TMEM71: variants seen among roughly 807,000 people sequenced by gnomAD.
TMEM71 encodes the protein transmembrane protein 71.
TMEM71 carries 44 observed loss-of-function variants against 38.0 expected under a neutral mutation model. The observed-to-expected ratio is 1.16, with a 90% CI of 0.91 to 1.49. TMEM71 has a LOEUF of 1.49. Ranked by LOEUF, TMEM71 falls within the 40% of genes most tolerant of loss-of-function variation. The pLI, the probability that TMEM71 is intolerant of heterozygous loss-of-function variation, is 0.00. For synonymous variants in TMEM71, 133 were observed against 122.5 expected, an observed-to-expected ratio of 1.09 and a Z score of -0.56; for missense variants, 367 against 348.6, an observed-to-expected ratio of 1.05 and a Z score of -0.42.
intron 3 of TMEM71, among the ~76,000 whole-genome samples, chr8:132,754,505 G>A (rs1466700810): frequency 2.6e-5 from 4 of 152,136 alleles, no homozygotes; most frequent in African/African-American, 9.7e-5. Flanking sequence ...TTTAGTTGTT[G>A]TTGTTATTGT....
chr8:132,741,136 G>A (rs1044921894), intron 5 of TMEM71, among the ~76,000 whole-genome samples: 4 of 152,068 alleles, frequency 2.6e-5, no homozygotes, highest in East Asian at 1.9e-4. Flanking sequence ...AGGCTGAGGC[G>A]GGTGGATCAC....
At chr8:132,734,962 A>G (rs1827665343) in intron 5 of TMEM71, among the ~76,000 whole-genome samples, 1 of 152,244 alleles carries the variant, frequency 6.6e-6, no homozygotes, top group Non-Finnish European at 1.5e-5. Flanking sequence ...CCAAAGCCAC[A>G]TACTGATGTT....
upstream of TMEM71, among the ~76,000 whole-genome samples, chr8:132,765,520 C>T (rs540277553): frequency 1.3e-5 from 2 of 152,056 alleles, no homozygotes; most frequent in Admixed American, 6.5e-5. Flanking sequence ...TAGACAGATG[C>T]GTGTTCCAGA....
At chr8:132,730,983 A>G (rs1429485441) in intron 5 of TMEM71, among the ~76,000 whole-genome samples, 1 of 152,170 alleles carries the variant, frequency 6.6e-6, no homozygotes, top group Non-Finnish European at 1.5e-5. Flanking sequence ...ACAGACTATC[A>G]TTTGCTAAAA....
chr8:132,754,770 T>C (rs1313402146), intron 3 of TMEM71, among the ~76,000 whole-genome samples: 1 of 152,230 alleles, frequency 6.6e-6, no homozygotes, highest in African/African-American at 2.4e-5. Context: ...CATACAAATA[T>C]GTTATCCCTG....
At chr8:132,737,036 G>A (rs771772565) in intron 5 of TMEM71, among the ~76,000 whole-genome samples, 10 of 152,078 alleles carry the variant, frequency 6.6e-5, no homozygotes, top group Non-Finnish European at 8.8e-5. Flanking sequence ...AATAATGAGA[G>A]TCCAAAATAG....
chr8:132,733,786 G>A (rs1044811915), intron 5 of TMEM71, among the ~76,000 whole-genome samples: 3 of 152,140 alleles, frequency 2.0e-5, no homozygotes, highest in Admixed American at 1.3e-4. Context: ...TGATGAAAAT[G>A]TGGTATATGC....
intron 5 of TMEM71, among the ~76,000 whole-genome samples, chr8:132,736,621 G>A (rs943011108): frequency 6.6e-6 from 1 of 152,030 alleles, no homozygotes; most frequent in Non-Finnish European, 1.5e-5. Context: ...CTTGAGCTCA[G>A]GAGTTTGAGA....
intron 5 of TMEM71, among the ~76,000 whole-genome samples, chr8:132,733,211 G>A (rs893497060): frequency 6.6e-6 from 1 of 152,188 alleles, no homozygotes; most frequent in Admixed American, 6.5e-5. Context: ...TAGACAAAAG[G>A]CTCCGTGAGA....
At chr8:132,716,530 A>G (rs1327471448) in intron 7 of TMEM71, among the ~76,000 whole-genome samples, 1 of 152,230 alleles carries the variant, frequency 6.6e-6, no homozygotes. Flanking sequence ...CCTGTAATAA[A>G]TTTCATAAGT....
At chr8:132,743,354 C>T (rs1828155169) in intron 5 of TMEM71, among the ~76,000 whole-genome samples, 1 of 152,130 alleles carries the variant, frequency 6.6e-6, no homozygotes, top group Non-Finnish European at 1.5e-5. Context: ...GCCACTTTCA[C>T]TCCACTACCA....
chr8:132,726,780 T>C (rs894367980), intron 6 of TMEM71, among the ~76,000 whole-genome samples: 4 of 152,198 alleles, frequency 2.6e-5, no homozygotes, highest in African/African-American at 9.7e-5. Flanking sequence ...ATGCCTTTAT[T>C]ATCTTTTGAC....
At position 132,744,843 on chromosome 8, in the gene TMEM71, C is replaced by T. The variant is rs186561367; in HGVS notation, c.487+2099G>A. ...GTACAAAAACAAATTCATAGACCCACGAAATGGAATAGAGAACCCAGAAGT... is the reference window on the plus strand; with the variant it reads ...GTACAAAAACAAATTCATAGACCCATGAAATGGAATAGAGAACCCAGAAGT... On this transcript the variant is annotated intron_variant, in intron 5 of 9. Coordinates refer to ENST00000677595, the MANE Select transcript of TMEM71 (RefSeq NM_001382403.1). 4.6e-5 allele frequency among the ~76,000 whole-genome samples: 7 copies of T among 152,120 alleles called. No homozygotes were observed. In the East Asian group the frequency reaches 5.8e-4, roughly 13 times the overall value.
At chr8:132,731,301 G>A (rs1253511722) in intron 5 of TMEM71, among the ~76,000 whole-genome samples, 1 of 152,162 alleles carries the variant, frequency 6.6e-6, no homozygotes. Context: ...ATGGGGAGTA[G>A]GGGGTGGTAG....
At chr8:132,754,680 T>C (rs1357161472) in intron 3 of TMEM71, among the ~76,000 whole-genome samples, 1 of 152,252 alleles carries the variant, frequency 6.6e-6, no homozygotes, top group East Asian at 1.9e-4. Flanking sequence ...ACTATTTGAA[T>C]GGCTATTCAT....
At chr8:132,714,885 T>C (rs1281558169) in intron 7 of TMEM71, among the ~76,000 whole-genome samples, 1 of 152,000 alleles carries the variant, frequency 6.6e-6, no homozygotes, top group African/African-American at 2.4e-5. Context: ...AGCAACCCAC[T>C]TGAAAAAATG....
chr8:132,747,629 G>A (rs1828464978), intron 4 of TMEM71, among the ~76,000 whole-genome samples: 2 of 152,204 alleles, frequency 1.3e-5, no homozygotes, highest in Non-Finnish European at 2.9e-5. Flanking sequence ...TAGGGGATAA[G>A]TGCTCTGAAA....
chr8:132,733,226 G>T (rs1827556969), intron 5 of TMEM71, among the ~76,000 whole-genome samples: 2 of 152,078 alleles, frequency 1.3e-5, no homozygotes, highest in Non-Finnish European at 2.9e-5. Flanking sequence ...GTGAGAAAAA[G>T]GTCACTTCAT....
chr8:132,754,432 A>AG (rs1828893770), intron 3 of TMEM71, among the ~76,000 whole-genome samples: 1 of 152,190 alleles, frequency 6.6e-6, no homozygotes, highest in Non-Finnish European at 1.5e-5. Context: ...TTGCAGATAG[A>AG]GCTAGGTTTA....
Sources: gnomAD v4.1 joint callset for allele counts (sites outside exome capture counted in the v4.1 genomes callset) on GRCh38, gnomAD v4.1.1 for gene constraint, MANE v1.5 for transcripts, NCBI Gene and HGNC (gene_info 2026-07-23, HGNC 2026-07-21) for gene names.